Variants in MAPK8IP3 observed in about 807,000 individuals in gnomAD.
MAPK8IP3 encodes the protein C-Jun-amino-terminal kinase-interacting protein 3.
MAPK8IP3 carries 49 observed loss-of-function variants against 157.8 expected under a neutral mutation model. The ratio of observed to expected loss-of-function variants is 0.31; its 90% CI spans 0.25 to 0.39. The LOEUF (loss-of-function observed/expected upper bound fraction) is 0.39. Ranked by LOEUF, MAPK8IP3 falls within the 10% of genes least tolerant of loss-of-function variation. The pLI is 1.00. For synonymous variants in MAPK8IP3, 897 were observed against 777.7 expected, an observed-to-expected ratio of 1.15 and a Z score of -2.55; for missense variants, 1,478 against 1,889.4, an observed-to-expected ratio of 0.78 and a Z score of 4.04.
chr16:1,766,333 T>C lies in MAPK8IP3; in HGVS notation c.2743T>C (p.Leu915=), dbSNP rs1210123790. ...PGPSEPETAT[L]RPGPLTEHVF... is the part of the protein sequence containing the mutation. ...GCCCAGCGAGCCAGAGACAGCCACATTGCGGCCCGGGCCTCTCACAGAGCA... is the reference window on the plus strand; with the variant it reads ...GCCCAGCGAGCCAGAGACAGCCACACTGCGGCCCGGGCCTCTCACAGAGCA... Residue 915 remains leucine, a synonymous_variant, in exon 22 of 32, where the codon TTG becomes CTG. Transcript: ENST00000610761. 1.2e-6 allele frequency: 2 copies of C among 1,612,662 alleles called. No homozygotes were observed. The highest frequency in any genetic ancestry group is 2.2e-5 in the East Asian group (1 of 44,874).
chr16:1,744,877 T>G (rs565772042), intron 5 of MAPK8IP3: 2 of 960,252 alleles, frequency 2.1e-6, no homozygotes, highest in Non-Finnish European at 2.5e-6. Flanking sequence ...ATTTAAGTTC[T>G]TTTTATTTTA....
Position 1,706,614 on chromosome 16 carries a change from C to G in MAPK8IP3, c.275C>G (p.Thr92Ser). ...CGCGAGGACAACGAGCAGCTGCTCA[C>G]CCAGTACGAGCGTGAGAAGGCGCTG... ...LLREDNEQLL[T>S]QYEREKALRR... is the part of the protein sequence containing the mutation. The change falls in exon 1 of 32, where the codon ACC becomes AGC. Residue 92 changes from threonine to serine, a missense_variant. Thr to Ser is a moderately conservative substitution (Grantham distance 58, BLOSUM62 1). Coordinates refer to ENST00000610761, the MANE Select transcript of MAPK8IP3 (RefSeq NM_001318852.2). The surrounding 1 kb of genome is among the most constrained non-coding windows in gnomAD (Gnocchi z 5.1). 1.3e-6 allele frequency: 2 copies of G among 1,594,684 alleles called. No individual in the cohort carries two copies. The highest frequency in any genetic ancestry group is 8.5e-7 in the Non-Finnish European group (1 of 1,171,126).
rs2042274527 is a variant in MAPK8IP3 at position 1,766,575 on chromosome 16, G to A, written c.2866G>A (p.Glu956Lys). Residue 956 changes from glutamate (E) to lysine (K), a missense_variant, in exon 23 of 32, where the codon GAG becomes AAG. By Grantham distance (56) the Glu-to-Lys change is moderately conservative (BLOSUM62 1). This residue lies in a region of MAPK8IP3 where 669 missense variants were observed against 759.8 expected (regional missense o/e 0.88). Transcript: ENST00000610761. ...PDSSSTRPEP[E>K]PSGDPTGAGS... ...CAGCAGCAGCACACGGCCAGAGCCA[G>A]AGCCCAGCGGGGACCCCACGGGAGC... The A allele has an allele frequency of 6.2e-7, 1 of 1,612,246 alleles. No individual in the cohort carries two copies. The highest frequency in any genetic ancestry group is 1.7e-5 in the Admixed American group (1 of 59,998).
chr16:1,726,311 C>T (rs1480167755), intron 2 of MAPK8IP3, among the ~76,000 whole-genome samples: 5 of 152,192 alleles, frequency 3.3e-5, no homozygotes, highest in East Asian at 1.9e-4. Context: ...CCTGGTCCCT[C>T]GGCTTTCAGT....
rs1022424565 is a variant in MAPK8IP3 at position 1,741,325 on chromosome 16, C to T, written c.603-2007C>T. 1.3e-5 allele frequency among the ~76,000 whole-genome samples: 2 copies of T among 152,066 alleles called. No individual in the cohort carries two copies. The highest frequency in any genetic ancestry group is 2.9e-5 in the Non-Finnish European group (2 of 68,006). On this transcript the variant is annotated intron_variant, in intron 4 of 31. Coordinates refer to ENST00000610761, the MANE Select transcript of MAPK8IP3 (RefSeq NM_001318852.2). The surrounding 1 kb of genome is among the most constrained non-coding windows in gnomAD (Gnocchi z 6.9). The stretch of plus-strand genomic sequence containing the variant: ...GAGCCTGAGGCCAGGGCCTGGGGGC[C>T]GGTGGGGAGGAGCAAAGGAAAGAGT...
At chr16:1,713,339 C>G (rs1244786968) in intron 1 of MAPK8IP3, among the ~76,000 whole-genome samples, 1 of 152,214 alleles carries the variant, frequency 6.6e-6, no homozygotes, top group African/African-American at 2.4e-5. Flanking sequence ...CCATCTCAGC[C>G]TCCCGAATAG....
At chr16:1,708,843 G>C (rs555217007) in intron 1 of MAPK8IP3, among the ~76,000 whole-genome samples, 1 of 152,146 alleles carries the variant, frequency 6.6e-6, no homozygotes, top group Non-Finnish European at 1.5e-5. Context: ...AAGAGGGCTC[G>C]ATGCTGTCAA....
Position 1,763,893 on chromosome 16 carries a change from A to G in MAPK8IP3, c.2025+110A>G, listed in dbSNP as rs1282915100. On this transcript the variant is annotated intron_variant, in intron 17 of 31. Coordinates refer to ENST00000610761, the MANE Select transcript of MAPK8IP3 (RefSeq NM_001318852.2). ...GGGCGGGGCAGTGCTAGGGGGTGGGAGAGGACGGCGGGTGGGGCGGGGCCT... is the reference window on the plus strand; with the variant it reads ...GGGCGGGGCAGTGCTAGGGGGTGGGGGAGGACGGCGGGTGGGGCGGGGCCT... 1.6e-5 allele frequency: 5 copies of G among 317,210 alleles called. No individual in the cohort carries two copies. In the African/African-American group the frequency reaches 1.8e-4, roughly 11 times the overall value. The allele number at this position is 317,210 out of a possible 1,614,324, so 19.6% of individuals were successfully genotyped here.
chr16:1,760,991 C>T (rs116298228), intron 12 of MAPK8IP3, among the ~76,000 whole-genome samples: 2,853 of 152,304 alleles, frequency 0.019, 99 homozygotes, highest in African/African-American at 0.064. Context: ...CCAGGATGGA[C>T]GGCTGGGCTT....
At chr16:1,752,422 C>A in intron 8 of MAPK8IP3, 1 of 293,520 alleles carries the variant, frequency 3.4e-6, no homozygotes, top group Non-Finnish European at 6.8e-6. Flanking sequence ...TGGTGCCTTT[C>A]CAGAGCCTTA....
intron 2 of MAPK8IP3, among the ~76,000 whole-genome samples, chr16:1,727,395 C>T (rs2142348497): frequency 6.6e-6 from 1 of 152,134 alleles, no homozygotes; most frequent in South Asian, 2.1e-4. Context: ...GTGTTAGTCA[C>T]ATTTGCTGCA....
rs148914770 is a variant in MAPK8IP3 at position 1,725,331 on chromosome 16, TA to T, written c.439+668del. Among the ~76,000 whole-genome samples, 906 of 137,202 alleles carry T rather than the reference TA, an allele frequency of 6.6e-3. 3 individuals are homozygous for T. Among genetic ancestry groups the T allele is most frequent in the African/African-American group, 0.015 (579 of 37,358 alleles). The allele number at this position is 137,202 out of a possible 152,430, so 90.0% of individuals were successfully genotyped here. A position where few individuals can be genotyped will look rare whatever the true frequency, so the allele number is the denominator to read the frequency against. On this transcript the variant is annotated intron_variant, in intron 2 of 31. Transcript: ENST00000610761. ...GTGGGCACACAGAGACCTCATCTCT[TA>T]AAAAAAAAAAAAAGGCCGGGCATGG...
At chr16:1,744,095 T>TCAGAGCACAGGGGCC in intron 5 of MAPK8IP3, 3 of 986,794 alleles carry the variant, frequency 3.0e-6, no homozygotes, top group South Asian at 4.7e-5. Flanking sequence ...TGAGTGCACC[T>TCAGAGCACAGGGGCC]CAGAGCACAG....
At position 1,766,622 on chromosome 16, in the gene MAPK8IP3, C is replaced by G; in HGVS notation, c.2913C>G (p.Thr971=). The G allele has an allele frequency of 6.2e-7, 1 of 1,612,470 alleles. No individual in the cohort carries two copies. Among genetic ancestry groups the G allele is most frequent in the Admixed American group, 1.7e-5 (1 of 59,992 alleles). The part of the protein sequence containing the change: ...PTGAGSSAAP[T]MWLGAQNGWL... Reference sequence around the variant, plus strand: ...GAGCAGGCAGCAGTGCTGCACCCACCATGTGGCTGGGAGCCCAGAACGGCT... The same window carrying G: ...GAGCAGGCAGCAGTGCTGCACCCACGATGTGGCTGGGAGCCCAGAACGGCT... Residue 971 remains threonine (T), a synonymous_variant, in exon 23 of 32, where the codon ACC becomes ACG. Coordinates refer to ENST00000610761, the MANE Select transcript of MAPK8IP3 (RefSeq NM_001318852.2).
chr16:1,764,552 T>C, intron 19 of MAPK8IP3, 93 bp downstream of exon 19: 1 of 1,493,558 alleles, frequency 6.7e-7, no homozygotes, highest in South Asian at 1.3e-5. Context: ...ACAGGACAGC[T>C]GGGGACAGCA....
chr16:1,743,299 C>T lies in MAPK8IP3; in HGVS notation c.603-33C>T, dbSNP rs376313183. 1.9e-5 allele frequency: 29 copies of T among 1,525,476 alleles called. No individual in the cohort carries two copies. The African/African-American group carries it at 3.0e-4, about 16-fold the overall frequency. The allele number at this position is 1,525,476 out of a possible 1,614,324, so 94.5% of individuals were successfully genotyped here. On this transcript the variant is annotated intron_variant, in intron 4 of 31. Coordinates refer to ENST00000610761, the MANE Select transcript of MAPK8IP3 (RefSeq NM_001318852.2). This position sits in a 1 kb window ranked among gnomAD's most constrained non-coding sequence, Gnocchi z 5.6. ...GAAATCTTCACGGCCACCCTCTAACCATCGCTTCCTCTCCTCTCGCCCCCC... is the reference window on the plus strand; with the variant it reads ...GAAATCTTCACGGCCACCCTCTAACTATCGCTTCCTCTCCTCTCGCCCCCC...
At position 1,770,154 on chromosome 16, in the gene MAPK8IP3, C is replaced by G. The variant is rs2042528687; in HGVS notation, c.*1330C>G. On this transcript the variant is annotated 3_prime_UTR_variant, in exon 32 of 32. Coordinates refer to ENST00000610761, the MANE Select transcript of MAPK8IP3 (RefSeq NM_001318852.2). ...TCTCCCCACCACCCTGCCACCTCCA[C>G]TGTGATGTATGTCCGCTCCCTCGTC... 1 of 153,300 alleles carries G rather than the reference C, an allele frequency of 6.5e-6. No homozygotes were observed. 9.5% of individuals were successfully genotyped at this position (153,300 alleles called of 1,614,324 possible).
In MAPK8IP3 at chr16:1,747,066, C is replaced by T. The variant is rs770176524; in HGVS notation, c.785C>T (p.Ser262Leu). 8 of 1,613,396 alleles carry T rather than the reference C, an allele frequency of 5.0e-6. No homozygotes were observed. The highest frequency in any genetic ancestry group is 1.1e-5 in the South Asian group (1 of 91,070). Reference sequence around the variant, plus strand: ...GAAATGTCCGAGTCAGGCCAGTCCTCGGCGGCCGCCACACCCAGCACCACA... The same window carrying T: ...GAAATGTCCGAGTCAGGCCAGTCCTTGGCGGCCGCCACACCCAGCACCACA... ...QDEMSESGQS[S>L]AAATPSTTGT... Residue 262 changes from serine (S) to leucine (L), a missense_variant, in exon 6 of 32, where the codon TCG (serine) becomes TTG (leucine). Transcript: ENST00000610761.
chr16:1,756,669 C>A (rs1002578496), intron 8 of MAPK8IP3, among the ~76,000 whole-genome samples: 1 of 132,838 alleles, frequency 7.5e-6, no homozygotes, highest in African/African-American at 3.0e-5. Context: ...CACACACACA[C>A]AAATTAGCCG....
Sources: allele counts gnomAD v4.1 joint callset (sites outside exome capture counted in the v4.1 genomes callset), GRCh38; gene constraint gnomAD v4.1.1; regional missense constraint gnomAD v4.1.1; non-coding constraint Gnocchi (gnomAD v3.1); transcripts MANE v1.5; gene names NCBI Gene and HGNC (gene_info 2026-07-23, HGNC 2026-07-21).